The following STXBP4 variants were observed in gnomAD, a reference collection of about 807,000 sequenced individuals.
STXBP4 encodes the protein syntaxin-binding protein 4.
A neutral mutation model predicts 76.1 loss-of-function variants in STXBP4; 55 were observed. That is an observed-to-expected ratio of 0.72 (90% CI 0.58 to 0.91). The LOEUF is 0.91. STXBP4 is among the 40% of genes least tolerant of loss of function. STXBP4 has a pLI of 0.00. For missense variants in STXBP4, 618 were observed against 636.9 expected, an observed-to-expected ratio of 0.97 and a Z score of 0.32; for synonymous variants, 201 against 220.2, an observed-to-expected ratio of 0.91 and a Z score of 0.77.
intron 16 of STXBP4, among the ~76,000 whole-genome samples, chr17:55,126,334 G>A (rs2079912663): frequency 6.6e-6 from 1 of 152,032 alleles, no homozygotes; most frequent in African/African-American, 2.4e-5. Flanking sequence ...ATGAAGCGAA[G>A]GAAAACATGC....
At chr17:55,095,620 T>C (rs2079475515) in intron 16 of STXBP4, among the ~76,000 whole-genome samples, 1 of 152,340 alleles carries the variant, frequency 6.6e-6, no homozygotes, top group South Asian at 2.1e-4. Context: ...TTAATATTAC[T>C]GTTGCAGGTA....
chr17:55,031,351 T>A, intron 9 of STXBP4, 87 bp downstream of exon 9: 1 of 1,082,262 alleles, frequency 9.2e-7, no homozygotes, highest in Non-Finnish European at 1.4e-6. Flanking sequence ...TGTTTGTTCT[T>A]TAGAAGGAGA....
chr17:55,177,957 A>G (rs1236530570), downstream of STXBP4, among the ~76,000 whole-genome samples: 2 of 152,196 alleles, frequency 1.3e-5, no homozygotes, highest in African/African-American at 4.8e-5. Context: ...TGACAGTCTA[A>G]CCAGGATTTC....
At chr17:55,036,940 T>A (rs907350968) in intron 10 of STXBP4, among the ~76,000 whole-genome samples, 5 of 152,126 alleles carry the variant, frequency 3.3e-5, no homozygotes, top group African/African-American at 9.7e-5. Context: ...AACAAATAAG[T>A]CTGACCACTC....
chr17:54,991,781 A>C (rs879614562), intron 4 of STXBP4: 13 of 150,696 alleles, frequency 8.6e-5, no homozygotes, highest in Admixed American at 8.6e-4. Flanking sequence ...TTTTGGAGAG[A>C]TATCAAATGT....
At chr17:55,060,069 T>A (rs2078976224) in intron 12 of STXBP4, among the ~76,000 whole-genome samples, 1 of 152,100 alleles carries the variant, frequency 6.6e-6, no homozygotes, top group African/African-American at 2.4e-5. Context: ...TAAAAATACA[T>A]GTATACATCT....
At chr17:55,180,586 A>C in the STXBP4 span, among the ~76,000 whole-genome samples, 25 of 152,348 alleles carry the variant, frequency 1.6e-4, no homozygotes, top group African/African-American at 6.0e-4. Context: ...TTTAGAGATG[A>C]GGAAATGGAG....
rs375874300 is a variant in STXBP4 at position 54,987,295 on chromosome 17, C to T, written c.47+1029C>T. Among the ~76,000 whole-genome samples, 3 of 152,168 alleles carry T rather than the reference C, an allele frequency of 2.0e-5. No individual in the cohort carries two copies. In the East Asian group the frequency reaches 5.8e-4, roughly 29 times the overall value. On this transcript the variant is annotated intron_variant, in intron 3 of 17. Coordinates refer to ENST00000376352, the MANE Select transcript of STXBP4 (RefSeq NM_178509.6). The stretch of plus-strand genomic sequence containing the variant: ...ATAAAAAGTTGTTTTTATTCTTGGT[C>T]CTTTTGTAGTGCTTCTTTTTGGTTA...
the STXBP4 span, among the ~76,000 whole-genome samples, chr17:55,206,293 G>GC: frequency 1.3e-5 from 2 of 152,064 alleles, no homozygotes; most frequent in African/African-American, 2.4e-5. Context: ...TTGTTTACAT[G>GC]CCCCCCAACC....
At chr17:55,074,772 C>G (rs2079160186) in intron 13 of STXBP4, among the ~76,000 whole-genome samples, 1 of 151,980 alleles carries the variant, frequency 6.6e-6, no homozygotes, top group Non-Finnish European at 1.5e-5. Context: ...CTTAACAAGA[C>G]TCTAAGCCAG....
At chr17:55,127,442 A>G (rs2079924938) in intron 16 of STXBP4, among the ~76,000 whole-genome samples, 4 of 152,200 alleles carry the variant, frequency 2.6e-5, no homozygotes, top group South Asian at 4.1e-4. Context: ...CATGTTTTCA[A>G]TGGTCTTTCA....
intron 16 of STXBP4, among the ~76,000 whole-genome samples, chr17:55,088,106 T>G (rs1217120464): frequency 6.6e-6 from 1 of 152,212 alleles, no homozygotes; most frequent in African/African-American, 2.4e-5. Flanking sequence ...TGACATAGCT[T>G]TTCAAGTTTA....
At position 55,160,904 on chromosome 17, in the gene STXBP4, T is replaced by C. The variant is rs1000334391; in HGVS notation, c.*993T>C. The C allele has an allele frequency of 1.3e-5, 2 of 152,296 alleles. No homozygotes were observed. The highest frequency in any genetic ancestry group is 1.9e-4 in the East Asian group (1 of 5,190). 9.4% of individuals were successfully genotyped at this position (152,296 alleles called of 1,614,324 possible). On this transcript the variant is annotated 3_prime_UTR_variant, in exon 18 of 18. Transcript: ENST00000376352. ...TTTCTAAAGTGAAAGGCATGGTTTG[T>C]CCTGCTTAGGTTGCCCTTCCCAGAG...
At chr17:55,036,536 C>G (rs900495125) in intron 10 of STXBP4, among the ~76,000 whole-genome samples, 1 of 151,450 alleles carries the variant, frequency 6.6e-6, no homozygotes, top group Non-Finnish European at 1.5e-5. Context: ...TACCCATTTG[C>G]TTTTTATTTT....
chr17:55,025,934 G>A (rs1236933663), intron 8 of STXBP4, among the ~76,000 whole-genome samples: 4 of 152,088 alleles, frequency 2.6e-5, no homozygotes, highest in Non-Finnish European at 2.9e-5. Flanking sequence ...AGTTCAGCAA[G>A]TTTACAGTAT....
At chr17:55,183,535 A>G in the STXBP4 span, among the ~76,000 whole-genome samples, 1 of 152,254 alleles carries the variant, frequency 6.6e-6, no homozygotes, top group Non-Finnish European at 1.5e-5. Context: ...TATATCAGCA[A>G]TTGATTAAAT....
At chr17:55,183,611 A>G in the STXBP4 span, among the ~76,000 whole-genome samples, 6 of 152,186 alleles carry the variant, frequency 3.9e-5, no homozygotes, top group Admixed American at 2.0e-4. Flanking sequence ...ACAAAGGTCA[A>G]CTATAACTGT....
chr17:54,979,561 A>G (rs999881733), intron 1 of STXBP4, among the ~76,000 whole-genome samples: 3 of 152,166 alleles, frequency 2.0e-5, no homozygotes, highest in Admixed American at 6.5e-5. Context: ...CTCATACTCA[A>G]TATGAACTGA....
intron 8 of STXBP4, among the ~76,000 whole-genome samples, chr17:55,011,807 T>C (rs1342708895): frequency 1.3e-5 from 2 of 152,128 alleles, no homozygotes; most frequent in African/African-American, 4.8e-5. Context: ...GGATTCTTAG[T>C]CGGCCTAGGA....
Sources: gnomAD v4.1 joint callset for allele counts (sites outside exome capture counted in the v4.1 genomes callset) on GRCh38, gnomAD v4.1.1 for gene constraint, MANE v1.5 for transcripts, NCBI Gene and HGNC (gene_info 2026-07-23, HGNC 2026-07-21) for gene names.